SLC25A25: variants seen among roughly 807,000 people sequenced by gnomAD.
SLC25A25 encodes the protein mitochondrial adenyl nucleotide antiporter SLC25A25.
Under a neutral mutation model 57.7 loss-of-function variants are expected in SLC25A25, and 32 were observed. The ratio of observed to expected loss-of-function variants is 0.55; its 90% CI spans 0.42 to 0.74. SLC25A25 has a LOEUF of 0.74. Ranked by LOEUF, SLC25A25 falls within the 30% of genes least tolerant of loss-of-function variation. SLC25A25 has a pLI of 0.00. For missense variants in SLC25A25, 556 were observed against 701.3 expected (o/e 0.79, Z 2.34); for synonymous variants, 306 against 291.2 (o/e 1.05, Z -0.52).
chr9:128,069,164 T>C (rs114594039), intron 1 of SLC25A25, among the ~76,000 whole-genome samples: 4 of 151,898 alleles, frequency 2.6e-5, no homozygotes, highest in Non-Finnish European at 4.4e-5. Context: ...CCCCGCGGGG[T>C]TGGAGTGTGG....
At chr9:128,105,201 C>G (rs911818329) in intron 6 of SLC25A25, among the ~76,000 whole-genome samples, 1 of 126,118 alleles carries the variant, frequency 7.9e-6, no homozygotes, top group Non-Finnish European at 1.6e-5. Flanking sequence ...AATAGAGTCT[C>G]GCTCTGTCGC....
Position 128,068,366 on chromosome 9 carries a change from A to G in SLC25A25, c.47A>G (p.Asp16Gly). The change falls in exon 1 of 11, where the codon GAC becomes GGC. Residue 16 changes from aspartate to glycine, a missense_variant. Transcript: ENST00000373069. ...LCRCVASPPPDAAATAASSSA... is the reference protein window; with the variant it reads ...LCRCVASPPPGAAATAASSSA... ...CGCTGTGTGGCCTCCCCGCCGCCGG[A>G]CGCCGCCGCCACCGCCGCCTCTTCG... is the stretch of plus-strand genomic sequence containing the variant. 1 of 1,543,498 alleles carries G rather than the reference A, an allele frequency of 6.5e-7. No homozygotes were observed. The highest frequency in any genetic ancestry group is 1.2e-5 in the South Asian group (1 of 85,426).
In SLC25A25 at chr9:128,068,540, T is replaced by C; in HGVS notation, c.221T>C (p.Leu74Pro). The change falls in exon 1 of 11, where the codon CTG becomes CCG. Residue 74 changes from leucine (L) to proline (P), a missense_variant. Leu to Pro is a moderately conservative substitution (Grantham distance 98). Coordinates refer to ENST00000373069, the MANE Select transcript of SLC25A25 (RefSeq NM_001330988.2). ...GLCVNDLAVGLRRLGLHRTEG... is the reference protein window; with the variant it reads ...GLCVNDLAVGPRRLGLHRTEG... ...TGTGTCAACGACCTGGCGGTGGGGC[T>C]GCGGCGCCTGGGACTGCACCGCACC... 6.7e-7 allele frequency: 1 copy of C among 1,484,062 alleles called. No individual in the cohort carries two copies. The highest frequency in any genetic ancestry group is 2.7e-5 in the East Asian group (1 of 37,560). 91.9% of individuals were successfully genotyped at this position (1,484,062 alleles called of 1,614,324 possible). A position where few individuals can be genotyped will look rare whatever the true frequency, so the allele number is the denominator to read the frequency against.
intron 1 of SLC25A25, among the ~76,000 whole-genome samples, chr9:128,072,500 CTCT>C (rs1448275409): frequency 1.3e-5 from 2 of 152,210 alleles, no homozygotes; most frequent in Non-Finnish European, 2.9e-5. Context: ...TTCACAAAGC[CTCT>C]TCTTAGCTTA....
chr9:128,101,352 G>A lies in SLC25A25; in HGVS notation c.432G>A (p.Leu144=). ...AGATCATGCAGTCCCTGCGGGACTT[G>A]GGAGTCAAGATATCTGAACAGCAGG... ...AQEIMQSLRD[L]GVKISEQQAE... Residue 144 remains leucine (L), a synonymous_variant, in exon 3 of 11, where the codon TTG becomes TTA. Transcript: ENST00000373069. This position sits in a 1 kb window ranked among gnomAD's most constrained non-coding sequence, Gnocchi z 4.9. 1 of 1,614,262 alleles carries A rather than the reference G, an allele frequency of 6.2e-7. No homozygotes were observed. Among genetic ancestry groups the A allele is most frequent in the Non-Finnish European group, 8.5e-7 (1 of 1,180,054 alleles).
chr9:128,070,037 C>T lies in SLC25A25; in HGVS notation c.261+1457C>T, dbSNP rs1252385080. ...GGTTCACGCCATTCTCCTGCCTCAG[C>T]CTCCCTAGTAGCTGGGATTACAGGC... On this transcript the variant is annotated intron_variant, in intron 1 of 10. Transcript: ENST00000373069. Among the ~76,000 whole-genome samples the T allele has an allele frequency of 6.7e-5, 10 of 149,184 alleles. No individual in the cohort carries two copies. In the East Asian group the frequency reaches 1.6e-3, roughly 23 times the overall value.
intron 1 of SLC25A25, among the ~76,000 whole-genome samples, chr9:128,084,685 C>T (rs1330920069): frequency 6.6e-6 from 1 of 152,162 alleles, no homozygotes; most frequent in Non-Finnish European, 1.5e-5. Flanking sequence ...CACCCAGCCA[C>T]CTTGGGCTCA....
chr9:128,105,719 T>C lies in SLC25A25; in HGVS notation c.784-10T>C. Reference sequence around the variant, plus strand: ...CCGGGTCCGTCTGACTGTTCGGTCCTCCCTCCCAGGTCCATGCCTCCCGCA... The same window carrying C: ...CCGGGTCCGTCTGACTGTTCGGTCCCCCCTCCCAGGTCCATGCCTCCCGCA... On this transcript the variant is annotated splice_polypyrimidine_tract_variant and intron_variant, in intron 6 of 10. Coordinates refer to ENST00000373069, the MANE Select transcript of SLC25A25 (RefSeq NM_001330988.2). 1 of 1,612,350 alleles carries C rather than the reference T, an allele frequency of 6.2e-7. No homozygotes were observed. Among genetic ancestry groups the C allele is most frequent in the Non-Finnish European group, 8.5e-7 (1 of 1,180,000 alleles).
At position 128,099,393 on chromosome 9, in the gene SLC25A25, C is replaced by A; in HGVS notation, c.262-1703C>A. 8.5e-7 allele frequency: 1 copy of A among 1,181,800 alleles called. No individual in the cohort carries two copies. Among genetic ancestry groups the A allele is most frequent in the Non-Finnish European group, 1.1e-6 (1 of 936,644 alleles). The allele number at this position is 1,181,800 out of a possible 1,614,324, so 73.2% of individuals were successfully genotyped here. ...GCGTTGAAGCCAGCTGCGGTGAGCA[C>A]ACCCTCTGCTCTGGGTGTCTGCGAC... On this transcript the variant is annotated intron_variant, in intron 1 of 10. Transcript: ENST00000373069. The surrounding 1 kb of genome is among the most constrained non-coding windows in gnomAD (Gnocchi z 6.8).
intron 8 of SLC25A25, 29 bp downstream of exon 8, chr9:128,106,286 G>A (rs190232544): frequency 0.011 from 18,043 of 1,614,060 alleles, 304 homozygotes; most frequent in Middle Eastern, 0.068. Flanking sequence ...CCTGGGGCGG[G>A]CAGTGGGCAC....
Position 128,103,271 on chromosome 9 carries a change from G to A in SLC25A25, c.625-410G>A, listed in dbSNP as rs748579162. Among the ~76,000 whole-genome samples the A allele has an allele frequency of 6.6e-6, 1 of 152,228 alleles. No individual in the cohort carries two copies. The highest frequency in any genetic ancestry group is 1.5e-5 in the Non-Finnish European group (1 of 68,042). On this transcript the variant is annotated intron_variant, in intron 5 of 10. Transcript: ENST00000373069. The surrounding 1 kb of genome is among the most constrained non-coding windows in gnomAD (Gnocchi z 6.7). Reference sequence around the variant, plus strand: ...CGTGTTTGCTGAGGCGTTGCATAATGTTCTGCCAGCGTGATCTGGTTACAC... The same window carrying A: ...CGTGTTTGCTGAGGCGTTGCATAATATTCTGCCAGCGTGATCTGGTTACAC...
rs915781392 is a variant in SLC25A25, at chr9:128,102,652, T to A, written c.624+171T>A. On this transcript the variant is annotated intron_variant, in intron 5 of 10. Coordinates refer to ENST00000373069, the MANE Select transcript of SLC25A25 (RefSeq NM_001330988.2). The surrounding 1 kb of genome is among the most constrained non-coding windows in gnomAD (Gnocchi z 4.1). ...TAGAGCTGTCCGCATGTTCCCCATGTTCTGGCACTCCAGCCAACCTGAACA... is the reference window on the plus strand; with the variant it reads ...TAGAGCTGTCCGCATGTTCCCCATGATCTGGCACTCCAGCCAACCTGAACA... 6.6e-6 allele frequency among the ~76,000 whole-genome samples: 1 copy of A among 152,176 alleles called. No homozygotes were observed. The highest frequency in any genetic ancestry group is 2.4e-5 in the African/African-American group (1 of 41,430).
intron 6 of SLC25A25, among the ~76,000 whole-genome samples, chr9:128,105,111 G>A (rs1246515226): frequency 5.5e-5 from 8 of 145,054 alleles, no homozygotes; most frequent in African/African-American, 7.7e-5. Context: ...TGCCCACCTC[G>A]GCCTCCCAAA....
chr9:128,073,367 G>A (rs1315183512), intron 1 of SLC25A25, among the ~76,000 whole-genome samples: 1 of 152,108 alleles, frequency 6.6e-6, no homozygotes, highest in Non-Finnish European at 1.5e-5. Context: ...ACAAGAATCC[G>A]CCCTCCCCCA....
rs7856190 is a variant in SLC25A25 at position 128,081,054 on chromosome 9, A to G, written c.261+12474A>G. On this transcript the variant is annotated intron_variant, in intron 1 of 10. Transcript: ENST00000373069. ...AGTCTCTTCCTCTCTAACCTACAGA[A>G]GAAGGAAAAATAGGATCTAAAGGTA... Among the ~76,000 whole-genome samples, 367 of 152,314 alleles carry G rather than the reference A, an allele frequency of 2.4e-3. 1 individual carries two copies. The highest frequency in any genetic ancestry group is 8.3e-3 in the African/African-American group (345 of 41,570).
At chr9:128,071,537 A>T (rs1356389663) in intron 1 of SLC25A25, among the ~76,000 whole-genome samples, 3 of 150,192 alleles carry the variant, frequency 2.0e-5, no homozygotes, top group Non-Finnish European at 4.4e-5. Flanking sequence ...CCTCCCTGGG[A>T]CTACAGGCAC....
chr9:128,077,516 T>TAAAAAAAAAAAAAAAAAAAAAAAAA (rs567869070), intron 1 of SLC25A25, among the ~76,000 whole-genome samples: 32 of 100,188 alleles, frequency 3.2e-4, no homozygotes, highest in Admixed American at 1.6e-3. Context: ...GACTCCGTCT[T>TAAAAAAAAAAAAAAAAAAAAAAAAA]AAAAAAAAAA....
Position 128,097,180 on chromosome 9 carries a change from T to C in SLC25A25, c.262-3916T>C, listed in dbSNP as rs373564596. Among the ~76,000 whole-genome samples the C allele has an allele frequency of 2.0e-4, 31 of 152,338 alleles. No individual in the cohort carries two copies. In the South Asian group the frequency reaches 6.4e-3, roughly 32 times the overall value. On this transcript the variant is annotated intron_variant, in intron 1 of 10. Coordinates refer to ENST00000373069, the MANE Select transcript of SLC25A25 (RefSeq NM_001330988.2). Reference sequence around the variant, plus strand: ...TAGTCTATATTAGGAAGTGGCGCACTGTAGAAGGAACAAGGGTGAGACTGA... The same window carrying C: ...TAGTCTATATTAGGAAGTGGCGCACCGTAGAAGGAACAAGGGTGAGACTGA...
chr9:128,072,614 G>A (rs576667151), intron 1 of SLC25A25, among the ~76,000 whole-genome samples: 12 of 152,192 alleles, frequency 7.9e-5, no homozygotes, highest in Non-Finnish European at 2.9e-5. Context: ...TGCTTAAAAT[G>A]GAAGTGGGCA....
Sources: gnomAD v4.1 joint callset for allele counts (sites outside exome capture counted in the v4.1 genomes callset) on GRCh38, gnomAD v4.1.1 for gene constraint, Gnocchi (gnomAD v3.1) non-coding constraint, MANE v1.5 for transcripts, NCBI Gene and HGNC (gene_info 2026-07-23, HGNC 2026-07-21) for gene names.